Variants in TMEM132D observed in about 807,000 individuals in gnomAD.
TMEM132D encodes mature OL transmembrane protein.
In TMEM132D, 21 loss-of-function variants were observed where a neutral mutation model predicts 62.3. The ratio of observed to expected loss-of-function variants is 0.34; its 90% CI spans 0.24 to 0.49. The LOEUF (loss-of-function observed/expected upper bound fraction) is 0.49. Among genes scored for constraint, TMEM132D ranks in the 20% least tolerant of loss-of-function variants. TMEM132D has a pLI of 0.99. For missense variants in TMEM132D, 1,346 were observed against 1,402.8 expected (o/e 0.96, Z 0.65); for synonymous variants, 621 against 575.6 (o/e 1.08, Z -1.13).
intron 4 of TMEM132D, among the ~76,000 whole-genome samples, chr12:129,321,482 C>A (rs1174028837): frequency 6.6e-6 from 1 of 152,214 alleles, no homozygotes; most frequent in Non-Finnish European, 1.5e-5. Context: ...AGTCATGCCC[C>A]AGCTCTGCTT....
At chr12:129,341,378 C>T (rs1490432199) in intron 3 of TMEM132D, among the ~76,000 whole-genome samples, 2 of 152,156 alleles carry the variant, frequency 1.3e-5, no homozygotes, top group African/African-American at 2.4e-5. Context: ...GTGATTTTTC[C>T]ACCTCCCATG....
At chr12:129,173,734 A>G (rs1410994782) in intron 5 of TMEM132D, among the ~76,000 whole-genome samples, 1 of 152,146 alleles carries the variant, frequency 6.6e-6, no homozygotes, top group Non-Finnish European at 1.5e-5. Flanking sequence ...ATGAACTGAG[A>G]GGTAATGCAT....
chr12:129,083,772 T>C (rs180808464), intron 6 of TMEM132D, among the ~76,000 whole-genome samples: 79 of 152,368 alleles, frequency 5.2e-4, no homozygotes, highest in African/African-American at 1.8e-3. Flanking sequence ...TGAATTCTTA[T>C]ACACGGTTTC....
intron 3 of TMEM132D, among the ~76,000 whole-genome samples, chr12:129,406,003 A>G (rs1450018006): frequency 6.6e-6 from 1 of 152,226 alleles, no homozygotes; most frequent in African/African-American, 2.4e-5. Flanking sequence ...AACCCAATTC[A>G]TTAATTCACT....
rs377590751 is a variant in TMEM132D at position 129,736,786 on chromosome 12, G to A, written c.80-36088C>T. Among the ~76,000 whole-genome samples, 423 of 149,934 alleles carry A rather than the reference G, an allele frequency of 2.8e-3. 1 individual carries two copies. Among genetic ancestry groups the A allele is most frequent in the African/African-American group, 1.0e-2 (407 of 40,794 alleles). ...AGGAACATTATTATATCTGTGATGC[G>A]TGCATTAAGTCAACCTATGATGGTG... On this transcript the variant is annotated intron_variant, in intron 1 of 8. Transcript: ENST00000422113.
intron 5 of TMEM132D, among the ~76,000 whole-genome samples, chr12:129,140,067 T>C (rs1876694451): frequency 1.3e-5 from 2 of 152,132 alleles, no homozygotes; most frequent in Admixed American, 1.3e-4. Context: ...TTTTCATTTT[T>C]TTTAAGATAT....
intron 3 of TMEM132D, among the ~76,000 whole-genome samples, chr12:129,339,757 C>T (rs938111353): frequency 6.6e-6 from 1 of 152,170 alleles, no homozygotes; most frequent in African/African-American, 2.4e-5. Flanking sequence ...TAATCTCCGT[C>T]TCCGAGTCTG....
chr12:129,324,794 C>T (rs1593337735), intron 4 of TMEM132D, among the ~76,000 whole-genome samples: 1 of 152,070 alleles, frequency 6.6e-6, no homozygotes, highest in Non-Finnish European at 1.5e-5. Context: ...TGCCACTGCA[C>T]TCCAGCCTGG....
At chr12:129,705,507 T>G (rs1198423798) in intron 1 of TMEM132D, among the ~76,000 whole-genome samples, 1 of 152,204 alleles carries the variant, frequency 6.6e-6, no homozygotes, top group Non-Finnish European at 1.5e-5. Flanking sequence ...CACAGAAATA[T>G]GATGAAGGAT....
intron 3 of TMEM132D, among the ~76,000 whole-genome samples, chr12:129,485,856 A>G (rs12317580): frequency 0.59 from 89,212 of 152,090 alleles, 27,665 homozygotes; most frequent in African/African-American, 0.81. Context: ...ATGGTGGGAG[A>G]ACAGAACATC....
At chr12:129,706,085 C>G (rs1400101324) in intron 1 of TMEM132D, among the ~76,000 whole-genome samples, 1 of 151,372 alleles carries the variant, frequency 6.6e-6, no homozygotes, top group Non-Finnish European at 1.5e-5. Context: ...ATTGAATGCA[C>G]AGATAAACAA....
At chr12:129,540,295 C>A (rs920593630) in intron 2 of TMEM132D, among the ~76,000 whole-genome samples, 35 of 152,126 alleles carry the variant, frequency 2.3e-4, no homozygotes, top group African/African-American at 7.9e-4. Flanking sequence ...TGCACACCAG[C>A]CAGGAGCTGT....
chr12:129,098,159 G>A (rs768247949), intron 5 of TMEM132D, among the ~76,000 whole-genome samples: 4 of 152,196 alleles, frequency 2.6e-5, no homozygotes, highest in Non-Finnish European at 5.9e-5. Context: ...CTGGAAAACC[G>A]TAATAGCCAA....
intron 4 of TMEM132D, among the ~76,000 whole-genome samples, chr12:129,280,365 C>T (rs553318670): frequency 1.2e-4 from 19 of 152,260 alleles, no homozygotes; most frequent in African/African-American, 4.3e-4. Flanking sequence ...CATGCATTTA[C>T]CCTGGGAATG....
rs1874085895 is a variant in TMEM132D at position 129,867,161 on chromosome 12, G to A, written c.79+36100C>T. 6.6e-6 allele frequency among the ~76,000 whole-genome samples: 1 copy of A among 152,168 alleles called. No homozygotes were observed. Among genetic ancestry groups the A allele is most frequent in the Non-Finnish European group, 1.5e-5 (1 of 68,036 alleles). On this transcript the variant is annotated intron_variant, in intron 1 of 8. Coordinates refer to ENST00000422113, the MANE Select transcript of TMEM132D (RefSeq NM_133448.3). The surrounding 1 kb of genome is among the most constrained non-coding windows in gnomAD (Gnocchi z 4.5). ...TGTAGTCCTAGCTACATGGGAGGCT[G>A]AGGCAGGAGGATGGCTTGAGCCTGG...
chr12:129,171,000 G>T (rs1004956864), intron 5 of TMEM132D, among the ~76,000 whole-genome samples: 5 of 152,108 alleles, frequency 3.3e-5, no homozygotes, highest in Non-Finnish European at 7.3e-5. Flanking sequence ...TGCATTGATC[G>T]ACTCTTCCTT....
chr12:129,874,850 G>A (rs531775537), intron 1 of TMEM132D, among the ~76,000 whole-genome samples: 22 of 152,098 alleles, frequency 1.4e-4, no homozygotes, highest in East Asian at 1.9e-4. Context: ...ACAGGCGTGC[G>A]CCACCACGCC....
chr12:129,101,984 G>GTTTGT (rs1875324100), intron 5 of TMEM132D, among the ~76,000 whole-genome samples: 1 of 126,950 alleles, frequency 7.9e-6, no homozygotes, highest in South Asian at 2.4e-4. Context: ...CAAAGCTGCT[G>GTTTGT]TTTTTTTTTT....
intron 3 of TMEM132D, among the ~76,000 whole-genome samples, chr12:129,476,589 C>G (rs181271564): frequency 6.6e-6 from 1 of 152,110 alleles, no homozygotes; most frequent in African/African-American, 2.4e-5. Context: ...CCCAAGTTCA[C>G]GCTGAGGCTC....
Sources: gnomAD v4.1 joint callset for allele counts (sites outside exome capture counted in the v4.1 genomes callset) on GRCh38, gnomAD v4.1.1 for gene constraint, Gnocchi (gnomAD v3.1) non-coding constraint, MANE v1.5 for transcripts, NCBI Gene and HGNC (gene_info 2026-07-23, HGNC 2026-07-21) for gene names.